Variants in LMNB1 observed in about 807,000 individuals in gnomAD.
LMNB1 encodes the protein lamin-B1.
In LMNB1, 23 loss-of-function variants were observed where a neutral mutation model predicts 67.1. The ratio of observed to expected loss-of-function variants is 0.34; its 90% CI spans 0.25 to 0.49. The LOEUF is 0.49. Among genes scored for constraint, LMNB1 ranks in the 20% least tolerant of loss-of-function variants. The pLI is 0.99. For missense variants in LMNB1, 634 were observed against 746.5 expected (o/e 0.85, Z 1.76); for synonymous variants, 281 against 282.9 (o/e 0.99, Z 0.07).
chr5:126,806,023 C>A (rs114465917), intron 3 of LMNB1, among the ~76,000 whole-genome samples: 8,220 of 152,224 alleles, frequency 0.054, 246 homozygotes, highest in Middle Eastern at 0.088. Flanking sequence ...GGCACGATCT[C>A]GGCTCCTTTC....
intron 1 of LMNB1, among the ~76,000 whole-genome samples, chr5:126,793,351 T>C (rs2112937135): frequency 6.6e-6 from 1 of 152,284 alleles, no homozygotes; most frequent in East Asian, 1.9e-4. Flanking sequence ...AGAAGTGGTT[T>C]TGTGGTCCAG....
rs34224885 is a variant in LMNB1, at chr5:126,804,848, G to A, written c.432G>A (p.Ser144=). ...KLREYEAALN[S]KDAALATALG... is the part of the protein sequence containing the mutation. ...GAGAATATGAAGCAGCACTGAATTC[G>A]AAAGATGCAGCTCTTGCTACTGCAC... The change falls in exon 2 of 11, where the codon TCG becomes TCA. Residue 144 remains serine, a synonymous_variant. Coordinates refer to ENST00000261366, the MANE Select transcript of LMNB1 (RefSeq NM_005573.4). The A allele has an allele frequency of 0.021, 34,576 of 1,613,966 alleles. 490 individuals are homozygous for A. Among genetic ancestry groups the A allele is most frequent in the Middle Eastern group, 0.1 (614 of 6,058 alleles).
rs1286197151 is a variant in LMNB1 at position 126,777,740 on chromosome 5, C to T, written c.232C>T (p.Leu78Phe). The change falls in exon 1 of 11, where the codon CTC (leucine) becomes TTC (phenylalanine). Residue 78 changes from leucine to phenylalanine, a missense_variant. Leu to Phe is a conservative substitution (Grantham distance 22). Transcript: ENST00000261366. ...EEVRGRELTG[L>F]KALYETELAD... is the part of the protein sequence containing the mutation. ...GGTGCGCGGCCGTGAGCTCACCGGC[C>T]TCAAGGCGCTCTACGAGACCGAGCT... 40 of 1,538,112 alleles carry T rather than the reference C, an allele frequency of 2.6e-5. No individual in the cohort carries two copies. Among genetic ancestry groups the T allele is most frequent in the Non-Finnish European group, 3.2e-5 (36 of 1,141,230 alleles).
intron 1 of LMNB1, among the ~76,000 whole-genome samples, chr5:126,788,970 A>G (rs1052359719): frequency 6.7e-6 from 1 of 150,284 alleles, no homozygotes; most frequent in African/African-American, 2.5e-5. Context: ...TGCATGGTTC[A>G]CTATAACCTG....
chr5:126,788,271 CAA>C (rs1218444693), intron 1 of LMNB1, among the ~76,000 whole-genome samples: 2 of 151,826 alleles, frequency 1.3e-5, no homozygotes, highest in East Asian at 3.9e-4. Flanking sequence ...TTGAAGTACT[CAA>C]GAGACATGGA....
Position 126,804,789 on chromosome 5 carries a change from G to A in LMNB1, c.373G>A (p.Glu125Lys). Reference protein sequence around the residue: ...DQLLLNYAKKESDLNGAQIKL... With the variant: ...DQLLLNYAKKKSDLNGAQIKL... ...AATCTGTTCCAGCTATGCTAAGAAG[G>A]AATCTGATCTTAATGGCGCCCAGAT... Residue 125 changes from glutamate to lysine, a missense_variant, in exon 2 of 11, where the codon GAA becomes AAA. Coordinates refer to ENST00000261366, the MANE Select transcript of LMNB1 (RefSeq NM_005573.4). 6.2e-7 allele frequency: 1 copy of A among 1,613,964 alleles called. No individual in the cohort carries two copies. The highest frequency in any genetic ancestry group is 8.5e-7 in the Non-Finnish European group (1 of 1,179,932).
At chr5:126,785,756 G>A (rs1041260190) in intron 1 of LMNB1, among the ~76,000 whole-genome samples, 2 of 152,054 alleles carry the variant, frequency 1.3e-5, no homozygotes, top group Admixed American at 6.5e-5. Flanking sequence ...GCTCATGCCT[G>A]CAATCCCAGC....
At chr5:126,784,160 G>A (rs1201905681) in intron 1 of LMNB1, among the ~76,000 whole-genome samples, 1 of 149,864 alleles carries the variant, frequency 6.7e-6, no homozygotes, top group Non-Finnish European at 1.5e-5. Flanking sequence ...AAGTAGCTGG[G>A]ATTACAGGCA....
At position 126,836,242 on chromosome 5, in the gene LMNB1, A is replaced by G. The variant is rs762308044; in HGVS notation, c.1739A>G (p.Asn580Ser). 4.3e-6 allele frequency: 7 copies of G among 1,610,344 alleles called. No individual in the cohort carries two copies. The highest frequency in any genetic ancestry group is 2.7e-5 in the African/African-American group (2 of 74,836). ...FHQQGTPRASNRSCAIM is the reference protein window; with the variant it reads ...FHQQGTPRASSRSCAIM ...CATCAGGGAACCCCAAGAGCATCCA[A>G]TAGAAGCTGTGCAATTATGTAAAAT... is the stretch of plus-strand genomic sequence containing the variant. Residue 580 changes from asparagine (N) to serine (S), a missense_variant, in exon 11 of 11, where the codon AAT becomes AGT. Asn to Ser is a conservative substitution (Grantham distance 46, BLOSUM62 1). Transcript: ENST00000261366.
intron 4 of LMNB1, 23 bp from the exon 5 acceptor site, chr5:126,811,750 C>G: frequency 6.3e-7 from 1 of 1,593,890 alleles, no homozygotes; most frequent in Non-Finnish European, 8.6e-7. Flanking sequence ...ATAAGACTGA[C>G]TATGCTTTGC....
intron 1 of LMNB1, among the ~76,000 whole-genome samples, chr5:126,792,009 C>G (rs1750970899): frequency 1.3e-5 from 2 of 152,084 alleles, no homozygotes; most frequent in South Asian, 4.1e-4. Context: ...TCTCGAACTC[C>G]TGACCTCAAG....
chr5:126,833,814 G>C lies in LMNB1; in HGVS notation c.1719+1013G>C, dbSNP rs2408777. 5.1e-3 allele frequency among the ~76,000 whole-genome samples: 775 copies of C among 152,360 alleles called. 5 individuals carry two copies. The highest frequency in any genetic ancestry group is 5.3e-3 in the Non-Finnish European group (363 of 68,038). On this transcript the variant is annotated intron_variant, in intron 10 of 10. Coordinates refer to ENST00000261366, the MANE Select transcript of LMNB1 (RefSeq NM_005573.4). ...GGTACTCCAGGCCAGCAGAGTAGTT[G>C]AGAAGAACTCTGTGAGGTGATGCTT...
intron 8 of LMNB1, among the ~76,000 whole-genome samples, chr5:126,824,574 G>C (rs963878210): frequency 3.3e-5 from 5 of 152,144 alleles, no homozygotes; most frequent in African/African-American, 1.2e-4. Context: ...GACATTTTAT[G>C]ATGATGATTA....
intron 3 of LMNB1, among the ~76,000 whole-genome samples, chr5:126,808,245 A>T (rs979114173): frequency 2.6e-5 from 4 of 151,916 alleles, no homozygotes; most frequent in African/African-American, 9.7e-5. Flanking sequence ...GTGCAGTGGT[A>T]CGGTCTTGGC....
chr5:126,832,871 TG>T lies in LMNB1; in HGVS notation c.1719+72del, dbSNP rs5871235. 472,691 of 1,068,300 alleles carry T rather than the reference TG, an allele frequency of 0.44. 108,897 individuals are homozygous for T. The highest frequency in any genetic ancestry group is 0.57 in the East Asian group (19,995 of 35,078). 66.2% of individuals were successfully genotyped at this position (1,068,300 alleles called of 1,614,324 possible). ...CAGAATTACATGAAGACCAAGAGTG[TG>T]GTTGGGTTTTTCCCCTATCAGTTGA... On this transcript the variant is annotated intron_variant, in intron 10 of 10. Coordinates refer to ENST00000261366, the MANE Select transcript of LMNB1 (RefSeq NM_005573.4).
Position 126,792,089 on chromosome 5 carries a change from C to T in LMNB1, c.360-12687C>T, listed in dbSNP as rs111930507. 2.5e-3 allele frequency among the ~76,000 whole-genome samples: 370 copies of T among 150,406 alleles called. 1 individual carries two copies. The highest frequency in any genetic ancestry group is 7.8e-3 in the African/African-American group (321 of 40,932). On this transcript the variant is annotated intron_variant, in intron 1 of 10. Transcript: ENST00000261366. Reference sequence around the variant, plus strand: ...TGAGCCACTGTACCCAGCCTATTCTCTTCTTGATAGCTCTATAGCATTGTT... The same window carrying T: ...TGAGCCACTGTACCCAGCCTATTCTTTTCTTGATAGCTCTATAGCATTGTT...
intron 5 of LMNB1, among the ~76,000 whole-genome samples, chr5:126,817,567 CA>C (rs2126725305): frequency 6.6e-6 from 1 of 152,308 alleles, no homozygotes; most frequent in Non-Finnish European, 1.5e-5. Context: ...AGTAGGACAG[CA>C]TTCAATTTTG....
chr5:126,789,313 C>T (rs1362954411), intron 1 of LMNB1, among the ~76,000 whole-genome samples: 1 of 152,086 alleles, frequency 6.6e-6, no homozygotes, highest in African/African-American at 2.4e-5. Flanking sequence ...GATCATTTCA[C>T]CCCTTTTGGT....
At position 126,810,192 on chromosome 5, in the gene LMNB1, A is replaced by G. The variant is rs1176280442; in HGVS notation, c.655A>G (p.Thr219Ala). The change falls in exon 4 of 11, where the codon ACC becomes GCC. Residue 219 changes from threonine (T) to alanine (A), a missense_variant. By Grantham distance (58) the Thr-to-Ala change is moderately conservative. Coordinates refer to ENST00000261366, the MANE Select transcript of LMNB1 (RefSeq NM_005573.4). ...KSMYEEEINE[T>A]RRKHETRLVE... ...GTTTTTTCCCCAGGAGATTAACGAG[A>G]CCAGAAGGAAGCATGAAACGCGCTT... 3 of 1,612,238 alleles carry G rather than the reference A, an allele frequency of 1.9e-6. No individual in the cohort carries two copies. Among genetic ancestry groups the G allele is most frequent in the African/African-American group, 2.7e-5 (2 of 74,886 alleles).
Sources: gnomAD v4.1 joint callset for allele counts (sites outside exome capture counted in the v4.1 genomes callset) on GRCh38, gnomAD v4.1.1 for gene constraint, MANE v1.5 for transcripts, NCBI Gene and HGNC (gene_info 2026-07-23, HGNC 2026-07-21) for gene names.